Variants in NUP205 observed in about 807,000 individuals in gnomAD.
NUP205 encodes the protein nucleoporin 205, also known as nuclear pore complex protein Nup205.
In NUP205, 76 loss-of-function variants were observed where a neutral mutation model predicts 253.8. The ratio of observed to expected loss-of-function variants is 0.30; its 90% confidence interval spans 0.25 to 0.36. NUP205 has a LOEUF of 0.36. NUP205 is among the 10% of genes least tolerant of loss of function. The pLI, the probability that NUP205 is intolerant of heterozygous loss-of-function variation, is 1.00. For synonymous variants in NUP205, 832 were observed against 850.1 expected, an observed-to-expected ratio of 0.98 and a Z score of 0.37; for missense variants, 2,162 against 2,425.5, an observed-to-expected ratio of 0.89 and a Z score of 2.28.
In NUP205 at chr7:135,645,524, C is replaced by A; in HGVS notation, c.5740C>A (p.His1914Asn). 6.2e-7 allele frequency: 1 copy of A among 1,613,886 alleles called. No individual in the cohort carries two copies. The highest frequency in any genetic ancestry group is 8.5e-7 in the Non-Finnish European group (1 of 1,179,748). ...GCGCCATCTGGAGTACTACTTGTTA[C>A]ATTGCATGCCCACGGATTCTCAAGA... ...LWRHLEYYLLHCMPTDSQDSL... is the reference protein window; with the variant it reads ...LWRHLEYYLLNCMPTDSQDSL... The change falls in exon 41 of 43, where the codon CAT becomes AAT. Residue 1914 changes from histidine to asparagine, a missense_variant. His to Asn is a moderately conservative substitution (Grantham distance 68). Around this residue, in one of 5 missense-constraint regions of NUP205, gnomAD observed 1,144 missense variants for 1,280.9 expected, o/e 0.89. Coordinates refer to ENST00000285968, the MANE Select transcript of NUP205 (RefSeq NM_015135.3).
At chr7:135,563,528 T>G (rs1253911399) in intron 1 of NUP205, among the ~76,000 whole-genome samples, 1 of 152,090 alleles carries the variant, frequency 6.6e-6, no homozygotes, top group Non-Finnish European at 1.5e-5. Flanking sequence ...ATGTTTTTCC[T>G]CACTGCAGTA....
rs566540964 is a variant in NUP205 at position 135,622,869 on chromosome 7, G to A, written c.4423G>A (p.Ala1475Thr). ...ENIAIIESYG[A>T]ALMEVVCRDA... ...CATAGCCATTATTGAAAGTTATGGC[G>A]CCGCCCTCATGGAAGTGGTCTGTCG... The change falls in exon 31 of 43, where the codon GCC becomes ACC. Residue 1475 changes from alanine to threonine, a missense_variant. This residue lies in a region of NUP205 where 1,144 missense variants were observed against 1,280.9 expected (regional missense o/e 0.89). Transcript: ENST00000285968. 6.8e-6 allele frequency: 11 copies of A among 1,614,048 alleles called. No homozygotes were observed. Among genetic ancestry groups the A allele is most frequent in the Admixed American group, 1.7e-5 (1 of 60,006 alleles).
rs972367677 is a variant in NUP205, at chr7:135,648,312, A to G, written c.5887-92A>G. On this transcript the variant is annotated intron_variant, in intron 42 of 42. Transcript: ENST00000285968. Reference sequence around the variant, plus strand: ...TTTACATTGAAAGAACCACATTACAAAAATTCTAAAGTGTTTTAAATTGGA... The same window carrying G: ...TTTACATTGAAAGAACCACATTACAGAAATTCTAAAGTGTTTTAAATTGGA... The G allele has an allele frequency of 5.3e-6, 6 of 1,142,544 alleles. No homozygotes were observed. In the African/African-American group the frequency reaches 9.7e-5, roughly 18 times the overall value. 70.8% of individuals were successfully genotyped at this position (1,142,544 alleles called of 1,614,324 possible).
intron 19 of NUP205, among the ~76,000 whole-genome samples, chr7:135,605,528 G>A (rs928756228): frequency 6.6e-6 from 1 of 152,142 alleles, no homozygotes; most frequent in Non-Finnish European, 1.5e-5. Context: ...TCCCTTTGGA[G>A]TGGTGGTACC....
intron 5 of NUP205, 46 bp from the exon 6 acceptor site, chr7:135,577,750 C>A: frequency 7.1e-7 from 1 of 1,411,510 alleles, no homozygotes; most frequent in Non-Finnish European, 1.0e-6. Context: ...TAAGACCAGG[C>A]TTCACTGTAA....
intron 7 of NUP205, among the ~76,000 whole-genome samples, chr7:135,584,067 C>T (rs1371118014): frequency 1.3e-5 from 2 of 152,116 alleles, no homozygotes; most frequent in African/African-American, 4.8e-5. Flanking sequence ...AGGTGATCCT[C>T]CCAAAGTGCT....
At chr7:135,588,100 C>T in intron 10 of NUP205, 108 bp downstream of exon 10, 3 of 844,258 alleles carry the variant, frequency 3.6e-6, no homozygotes, top group South Asian at 5.6e-5. Flanking sequence ...CAAATGATCA[C>T]TAGTGTAACC....
intron 35 of NUP205, among the ~76,000 whole-genome samples, chr7:135,634,338 T>G (rs1048789622): frequency 1.6e-4 from 25 of 152,198 alleles, no homozygotes; most frequent in Admixed American, 1.6e-3. Context: ...CTGGAAGTCC[T>G]TTTAAATTGA....
At chr7:135,570,914 TTAATA>T (rs948966442) in intron 1 of NUP205, among the ~76,000 whole-genome samples, 186 bp from the exon 2 acceptor site, 14 of 127,718 alleles carry the variant, frequency 1.1e-4, no homozygotes, top group African/African-American at 3.6e-4. Flanking sequence ...ATATAATATA[TTAATA>T]TAATATAGTT....
chr7:135,647,908 AG>A (rs1401079394), intron 42 of NUP205, among the ~76,000 whole-genome samples: 1 of 152,244 alleles, frequency 6.6e-6, no homozygotes, highest in African/African-American at 2.4e-5. Context: ...AGCATATAAC[AG>A]GTGTATCCCC....
At chr7:135,628,220 G>A in intron 34 of NUP205, 109 bp downstream of exon 34, 2 of 1,034,468 alleles carry the variant, frequency 1.9e-6, no homozygotes, top group Non-Finnish European at 2.7e-6. Flanking sequence ...TAGTCCTAAT[G>A]TTTGTGGCAG....
At chr7:135,583,859 T>C (rs1255274993) in intron 7 of NUP205, among the ~76,000 whole-genome samples, 1 of 149,128 alleles carries the variant, frequency 6.7e-6, no homozygotes. Flanking sequence ...TTTTTTTTTT[T>C]TGAGACGGAG....
chr7:135,645,867 G>T (rs758641297), intron 41 of NUP205: 16 of 575,254 alleles, frequency 2.8e-5, no homozygotes, highest in African/African-American at 2.1e-4. Flanking sequence ...TAGAAGAATG[G>T]AGGAGGTCTG....
At chr7:135,623,223 C>G (rs566808889) in intron 31 of NUP205, among the ~76,000 whole-genome samples, 6 of 152,072 alleles carry the variant, frequency 3.9e-5, no homozygotes, top group Non-Finnish European at 8.8e-5. Flanking sequence ...AGGTTGCTTG[C>G]GGTGAGCTGT....
chr7:135,560,411 T>C (rs1805552265), intron 1 of NUP205, among the ~76,000 whole-genome samples: 1 of 152,208 alleles, frequency 6.6e-6, no homozygotes, highest in East Asian at 1.9e-4. Context: ...TAATAAAGCC[T>C]TGTGTCAGGA....
intron 3 of NUP205, among the ~76,000 whole-genome samples, chr7:135,574,854 T>C (rs1003161641): frequency 2.0e-5 from 3 of 152,178 alleles, no homozygotes; most frequent in Non-Finnish European, 4.4e-5. Flanking sequence ...GAAGAAAATA[T>C]GGGCATGTTA....
At chr7:135,608,813 A>G (rs1039347313) in intron 22 of NUP205, among the ~76,000 whole-genome samples, 1 of 151,934 alleles carries the variant, frequency 6.6e-6, no homozygotes, top group African/African-American at 2.4e-5. Context: ...TTTAAAAACT[A>G]GGCTTGGCCG....
intron 8 of NUP205, among the ~76,000 whole-genome samples, chr7:135,585,552 T>G (rs1391092274): frequency 6.6e-6 from 1 of 152,034 alleles, no homozygotes; most frequent in African/African-American, 2.4e-5. Context: ...GATAATTGTT[T>G]AGATTTTTTT....
chr7:135,624,178 G>A (rs1459797191), intron 31 of NUP205, among the ~76,000 whole-genome samples: 2 of 151,988 alleles, frequency 1.3e-5, no homozygotes, highest in Non-Finnish European at 2.9e-5. Context: ...GTATTTATCA[G>A]ATTGTGTAGT....
Sources: gnomAD v4.1 joint callset for allele counts (sites outside exome capture counted in the v4.1 genomes callset) on GRCh38, gnomAD v4.1.1 for gene constraint, gnomAD v4.1.1 regional missense constraint, MANE v1.5 for transcripts, NCBI Gene and HGNC (gene_info 2026-07-23, HGNC 2026-07-21) for gene names.